Variants in KMT2A observed in about 807,000 individuals in gnomAD.
KMT2A encodes the protein lysine methyltransferase 2A.
Under a neutral mutation model 345.3 loss-of-function variants are expected in KMT2A, and 16 were observed. The ratio of observed to expected loss-of-function variants is 0.05; its 90% confidence interval spans 0.03 to 0.07. The LOEUF is 0.07. Ranked by LOEUF, KMT2A falls within the 10% of genes least tolerant of loss-of-function variation. The probability of loss-of-function intolerance (pLI) is 1.00; values close to 1 mark genes in which losing one functional copy is unlikely to be tolerated. For synonymous variants in KMT2A, 1,599 were observed against 1,778.6 expected (o/e 0.90, Z 2.54); for missense variants, 3,272 against 4,841.6 (o/e 0.68, Z 9.62).
At chr11:118,458,146 C>T (rs1949681936) in intron 1 of KMT2A, 1 of 392,408 alleles carries the variant, frequency 2.5e-6, no homozygotes, top group Non-Finnish European at 5.2e-6. Context: ...TGCAGTGTCT[C>T]GATCACAGTT....
At chr11:118,450,739 G>A (rs1441626251) in intron 1 of KMT2A, 1 of 152,098 alleles carries the variant, frequency 6.6e-6, no homozygotes, top group Non-Finnish European at 1.5e-5. Context: ...TTGTTCTCTT[G>A]ATGCACCAAT....
Position 118,484,438 on chromosome 11 carries a change from A to G in KMT2A, c.4218+124A>G. 2 of 1,026,648 alleles carry G rather than the reference A, an allele frequency of 1.9e-6. No homozygotes were observed. The highest frequency in any genetic ancestry group is 2.8e-6 in the Non-Finnish European group (2 of 706,012). 63.6% of individuals were successfully genotyped at this position (1,026,648 alleles called of 1,614,324 possible). On this transcript the variant is annotated intron_variant, in intron 9 of 35. Transcript: ENST00000534358. This position sits in a 1 kb window ranked among gnomAD's most constrained non-coding sequence, Gnocchi z 4.1. ...ACTGGGGGAATGAATAAGAACTCCC[A>G]TTAGCAGGTGGGTTTAGCGCTGGGA...
At position 118,505,299 on chromosome 11, in the gene KMT2A, C is replaced by T; in HGVS notation, c.9407C>T (p.Thr3136Ile). 6.2e-7 allele frequency: 1 copy of T among 1,614,258 alleles called. No individual in the cohort carries two copies. Among genetic ancestry groups the T allele is most frequent in the Non-Finnish European group, 8.5e-7 (1 of 1,180,046 alleles). Residue 3136 changes from threonine (T) to isoleucine (I), a missense_variant, in exon 27 of 36, where the codon ACA (threonine) becomes ATA (isoleucine). Transcript: ENST00000534358. The surrounding 1 kb of genome is among the most constrained non-coding windows in gnomAD (Gnocchi z 4.6). ...GPMGGGLTLT[T>I]GLNPSLPTSQ... ...ATGGGAGGTGGTCTCACCCTTACCA[C>T]AGGACTAAATCCAAGCTTGCCAACT...
At chr11:118,466,099 G>GT (rs1393075549) in intron 1 of KMT2A, among the ~76,000 whole-genome samples, 2 of 152,098 alleles carry the variant, frequency 1.3e-5, no homozygotes, top group Non-Finnish European at 2.9e-5. Context: ...TGGGAGGCCA[G>GT]TATGGGAGGA....
In KMT2A at chr11:118,493,779, G is replaced by A. The variant is rs1950362079; in HGVS notation, c.5179-509G>A. Among the ~76,000 whole-genome samples, 1 of 151,886 alleles carries A rather than the reference G, an allele frequency of 6.6e-6. No individual in the cohort carries two copies. Among genetic ancestry groups the A allele is most frequent in the South Asian group, 2.1e-4 (1 of 4,814 alleles). On this transcript the variant is annotated intron_variant, in intron 16 of 35. Coordinates refer to ENST00000534358, the MANE Select transcript of KMT2A (RefSeq NM_001197104.2). This position sits in a 1 kb window ranked among gnomAD's most constrained non-coding sequence, Gnocchi z 5.8. ...GGCTGGCATGCAGTGACATGATCTC[G>A]GCTCACTGCAACCTCTGCCTCCCGT...
chr11:118,499,719 G>A, intron 23 of KMT2A, 116 bp from the exon 24 acceptor site: 2 of 767,888 alleles, frequency 2.6e-6, no homozygotes, highest in Non-Finnish European at 4.5e-6. Context: ...GGCAGAGGCT[G>A]CAGTGAGCTG....
At chr11:118,489,084 G>A (rs1950281514) in intron 11 of KMT2A, among the ~76,000 whole-genome samples, 1 of 151,942 alleles carries the variant, frequency 6.6e-6, no homozygotes, top group Admixed American at 6.6e-5. Context: ...TTAGCCAGGT[G>A]TGGTGGTGGG....
chr11:118,488,626 C>G lies in KMT2A; in HGVS notation c.4345C>G (p.Gln1449Glu). ...GTTCTTACTATAGTTTGTGTATTGC[C>G]AAGTCTGTTGTGAGCCCTTCCACAA... ...SSGHVEFVYC[Q>E]VCCEPFHKFC... is the part of the protein sequence containing the mutation. Residue 1449 changes from glutamine to glutamate, a missense_variant, in exon 11 of 36, where the codon CAA (glutamine) becomes GAA (glutamate). Coordinates refer to ENST00000534358, the MANE Select transcript of KMT2A (RefSeq NM_001197104.2). 6.2e-7 allele frequency: 1 copy of G among 1,613,644 alleles called. No individual in the cohort carries two copies. The highest frequency in any genetic ancestry group is 8.5e-7 in the Non-Finnish European group (1 of 1,179,752).
rs782272243 is a variant in KMT2A, at chr11:118,505,147, C to T, written c.9255C>T (p.Asn3085=). The change falls in exon 27 of 36, where the codon AAC becomes AAT. Residue 3085 remains asparagine, a synonymous_variant. Transcript: ENST00000534358. The surrounding 1 kb of genome is among the most constrained non-coding windows in gnomAD (Gnocchi z 4.6). ...CCACTGAGAAACTCATAGTTGTTAACCAGAACATGCAGCCACTTTATGTTC... is the reference window on the plus strand; with the variant it reads ...CCACTGAGAAACTCATAGTTGTTAATCAGAACATGCAGCCACTTTATGTTC... ...KPATEKLIVV[N]QNMQPLYVLQ... is the part of the protein sequence containing the mutation. 5 of 1,614,064 alleles carry T rather than the reference C, an allele frequency of 3.1e-6. No homozygotes were observed. The South Asian group carries it at 3.3e-5, about 11-fold the overall frequency.
At chr11:118,485,226 T>C (rs1476070688) in intron 10 of KMT2A, among the ~76,000 whole-genome samples, 3 of 152,204 alleles carry the variant, frequency 2.0e-5, no homozygotes, top group Non-Finnish European at 2.9e-5. Flanking sequence ...CTGATCTTTC[T>C]GTTAGATGTC....
chr11:118,518,657 C>T (rs1455735061), intron 31 of KMT2A, among the ~76,000 whole-genome samples: 1 of 151,860 alleles, frequency 6.6e-6, no homozygotes, highest in Non-Finnish European at 1.5e-5. Flanking sequence ...GTGACGTGCC[C>T]CTGTAGTCCC....
intron 1 of KMT2A, among the ~76,000 whole-genome samples, chr11:118,456,234 TAAC>T (rs1323536578): frequency 4.6e-5 from 7 of 152,252 alleles, no homozygotes; most frequent in African/African-American, 1.7e-4. Flanking sequence ...GCATGGTGGC[TAAC>T]ACCTGTAATC....
At position 118,506,426 on chromosome 11, in the gene KMT2A, C is replaced by G. The variant is rs782667443; in HGVS notation, c.10534C>G (p.Pro3512Ala). 3.1e-5 allele frequency: 50 copies of G among 1,614,064 alleles called. No homozygotes were observed. The South Asian group carries it at 4.3e-4, about 14-fold the overall frequency. The change falls in exon 27 of 36, where the codon CCC (proline) becomes GCC (alanine). Residue 3512 changes from proline to alanine, a missense_variant. By Grantham distance (27) the Pro-to-Ala change is conservative (BLOSUM62 -1). Coordinates refer to ENST00000534358, the MANE Select transcript of KMT2A (RefSeq NM_001197104.2). ...KALSSAVQAS[P>A]TSPGGSPSSP... ...TTTATCCTCAGCTGTGCAAGCCAGCCCCACCTCTCCTGGGGGTTCTCCATC... is the reference window on the plus strand; with the variant it reads ...TTTATCCTCAGCTGTGCAAGCCAGCGCCACCTCTCCTGGGGGTTCTCCATC...
At position 118,498,816 on chromosome 11, in the gene KMT2A, T is replaced by C. The variant is rs939617038; in HGVS notation, c.5961+288T>C. ...GTTTGGACAAATGTATAATGATGTA[T>C]ATCCACCATTATACCATCATATGGA... On this transcript the variant is annotated intron_variant, in intron 22 of 35. Coordinates refer to ENST00000534358, the MANE Select transcript of KMT2A (RefSeq NM_001197104.2). This position sits in a 1 kb window ranked among gnomAD's most constrained non-coding sequence, Gnocchi z 4.4. Among the ~76,000 whole-genome samples the C allele has an allele frequency of 3.3e-5, 5 of 152,202 alleles. No homozygotes were observed. Among genetic ancestry groups the C allele is most frequent in the African/African-American group, 1.2e-4 (5 of 41,444 alleles).
In KMT2A at chr11:118,460,418, G is replaced by C. The variant is rs1175696550; in HGVS notation, c.433-8357G>C. Among the ~76,000 whole-genome samples, 4 of 151,774 alleles carry C rather than the reference G, an allele frequency of 2.6e-5. No individual in the cohort carries two copies. In the East Asian group the frequency reaches 7.8e-4, roughly 30 times the overall value. On this transcript the variant is annotated intron_variant, in intron 1 of 35. Transcript: ENST00000534358. ...TCCTCCTACCTCAGCCTCCCGAGTA[G>C]CTGGACCACAGGCATGCACCAGCAC...
intron 31 of KMT2A, among the ~76,000 whole-genome samples, chr11:118,513,371 G>A (rs1466764703): frequency 3.3e-5 from 5 of 151,906 alleles, no homozygotes; most frequent in African/African-American, 1.2e-4. Flanking sequence ...GTGGGTGAAT[G>A]GGTACTTACA....
Position 118,523,383 on chromosome 11 carries a change from C to T in KMT2A, c.*1211C>T, listed in dbSNP as rs1417224958. ...TATGTTGAGGGAACTCTGCCACCTGCGTGCAACCCACAGCTAAAGTAAATT... is the reference window on the plus strand; with the variant it reads ...TATGTTGAGGGAACTCTGCCACCTGTGTGCAACCCACAGCTAAAGTAAATT... On this transcript the variant is annotated 3_prime_UTR_variant, in exon 36 of 36. Coordinates refer to ENST00000534358, the MANE Select transcript of KMT2A (RefSeq NM_001197104.2). 13 of 228,970 alleles carry T rather than the reference C, an allele frequency of 5.7e-5. No homozygotes were observed. The highest frequency in any genetic ancestry group is 1.3e-4 in the East Asian group (2 of 15,972). 14.2% of individuals were successfully genotyped at this position (228,970 alleles called of 1,614,324 possible). A position where few individuals can be genotyped will look rare whatever the true frequency, so the allele number is the denominator to read the frequency against.
Position 118,490,315 on chromosome 11 carries a change from A to G in KMT2A, c.4696+66A>G. ...ACTTGGTGTTCTGGAGGTGAACTAGACTCTAGTGAAATGAAATAAAAAGTC... is the reference window on the plus strand; with the variant it reads ...ACTTGGTGTTCTGGAGGTGAACTAGGCTCTAGTGAAATGAAATAAAAAGTC... On this transcript the variant is annotated intron_variant, in intron 13 of 35. Coordinates refer to ENST00000534358, the MANE Select transcript of KMT2A (RefSeq NM_001197104.2). This position sits in a 1 kb window ranked among gnomAD's most constrained non-coding sequence, Gnocchi z 4.2. 4.1e-6 allele frequency: 6 copies of G among 1,449,590 alleles called. No individual in the cohort carries two copies. The highest frequency in any genetic ancestry group is 4.6e-6 in the Non-Finnish European group (5 of 1,096,246). The allele number at this position is 1,449,590 out of a possible 1,614,324, so 89.8% of individuals were successfully genotyped here.
At chr11:118,462,616 T>C (rs1555033035) in intron 1 of KMT2A, among the ~76,000 whole-genome samples, 1 of 152,166 alleles carries the variant, frequency 6.6e-6, no homozygotes, top group East Asian at 1.9e-4. Context: ...TGGAGTGCAG[T>C]GGTGCGATCT....
Sources: allele counts gnomAD v4.1 joint callset (sites outside exome capture counted in the v4.1 genomes callset), GRCh38; gene constraint gnomAD v4.1.1; non-coding constraint Gnocchi (gnomAD v3.1); transcripts MANE v1.5; gene names NCBI Gene and HGNC (gene_info 2026-07-23, HGNC 2026-07-21).